The following AP2S1 variants were observed in gnomAD, a reference collection of about 807,000 sequenced individuals.
AP2S1 encodes adaptor related protein complex 2 subunit sigma 1.
A neutral mutation model predicts 21.0 loss-of-function variants in AP2S1; 6 were observed. The ratio of observed to expected loss-of-function variants is 0.29; its 90% CI spans 0.16 to 0.56. The LOEUF (loss-of-function observed/expected upper bound fraction) is 0.56, where lower values mean the gene tolerates loss of function less well. Among genes scored for constraint, AP2S1 ranks in the 20% least tolerant of loss-of-function variants. AP2S1 has a pLI of 0.92. For missense variants in AP2S1, 60 were observed against 186.2 expected (o/e 0.32, Z 3.95); for synonymous variants, 63 against 74.6 (o/e 0.84, Z 0.80).
intron 1 of AP2S1, among the ~76,000 whole-genome samples, chr19:46,849,641 C>A (rs1240724546): frequency 6.6e-6 from 1 of 152,170 alleles, no homozygotes; most frequent in African/African-American, 2.4e-5. Flanking sequence ...CAAGTCCCCT[C>A]CGTCCTGAAT....
chr19:46,840,606 C>T (rs867194045), intron 2 of AP2S1, among the ~76,000 whole-genome samples: 2 of 151,992 alleles, frequency 1.3e-5, no homozygotes, highest in African/African-American at 4.8e-5. Context: ...CATCACTGCA[C>T]TCCAGCCCGG....
intron 1 of AP2S1, 26 bp from the exon 2 acceptor site, chr19:46,846,168 G>C (rs1465380554): frequency 1.2e-6 from 2 of 1,613,296 alleles, no homozygotes; most frequent in South Asian, 1.1e-5. Flanking sequence ...GGAGAAGGAG[G>C]AAGTGAGAGA....
intron 1 of AP2S1, among the ~76,000 whole-genome samples, 177 bp from the exon 2 acceptor site, chr19:46,846,319 C>T (rs1253225251): frequency 1.3e-5 from 2 of 152,022 alleles, no homozygotes; most frequent in African/African-American, 2.4e-5. Context: ...CCTGGCCACA[C>T]GCTTCATCCC....
chr19:46,841,102 C>T (rs1461266656), intron 2 of AP2S1, among the ~76,000 whole-genome samples: 2 of 152,014 alleles, frequency 1.3e-5, no homozygotes, highest in African/African-American at 4.8e-5. Context: ...TACAGGTGTG[C>T]ACCACCACGC....
chr19:46,844,311 C>T (rs2055581151), intron 2 of AP2S1, among the ~76,000 whole-genome samples: 2 of 152,188 alleles, frequency 1.3e-5, no homozygotes, highest in Admixed American at 6.5e-5. Context: ...CTTTCATCTC[C>T]TCCCCTTCCT....
At chr19:46,849,208 G>C (rs1053168172) in intron 1 of AP2S1, among the ~76,000 whole-genome samples, 2 of 150,842 alleles carry the variant, frequency 1.3e-5, no homozygotes, top group Admixed American at 1.3e-4. Flanking sequence ...GTCTCACCAC[G>C]TTGGCCAGGC....
intron 2 of AP2S1, among the ~76,000 whole-genome samples, chr19:46,843,114 A>G (rs1351457354): frequency 2.0e-5 from 3 of 152,090 alleles, no homozygotes; most frequent in African/African-American, 7.2e-5. Context: ...TGACAGCTCC[A>G]TCCTACCCGG....
At chr19:46,840,750 C>T (rs887110795) in intron 2 of AP2S1, among the ~76,000 whole-genome samples, 2 of 124,458 alleles carry the variant, frequency 1.6e-5, no homozygotes, top group Non-Finnish European at 3.1e-5. Flanking sequence ...TTGAGTCTGG[C>T]TCTGACGCCC....
chr19:46,850,627 G>T (rs1257304835), intron 1 of AP2S1, 137 bp downstream of exon 1: 1 of 815,778 alleles, frequency 1.2e-6, no homozygotes, highest in Non-Finnish European at 2.0e-6. Context: ...GCCCTGGATC[G>T]GTCCCAATCC....
At chr19:46,844,677 G>A (rs1599769392) in intron 2 of AP2S1, among the ~76,000 whole-genome samples, 1 of 152,092 alleles carries the variant, frequency 6.6e-6, no homozygotes, top group Non-Finnish European at 1.5e-5. Flanking sequence ...GCACAAGCCT[G>A]TAGTCCCAGC....
Position 46,838,413 on chromosome 19 carries a change from G to A in AP2S1, c.*34C>T, listed in dbSNP as rs1347487865. 1 of 1,605,258 alleles carries A rather than the reference G, an allele frequency of 6.2e-7. No homozygotes were observed. Among genetic ancestry groups the A allele is most frequent in the South Asian group, 1.1e-5 (1 of 90,806 alleles). Reference sequence around the variant, plus strand: ...AGGGGAAGCGAGCAGGCGAGTCCAGGAGGGGCCGGGGCCGGGGTGGGGCTC... The same window carrying A: ...AGGGGAAGCGAGCAGGCGAGTCCAGAAGGGGCCGGGGCCGGGGTGGGGCTC... On this transcript the variant is annotated 3_prime_UTR_variant, in exon 5 of 5. Coordinates refer to ENST00000263270, the MANE Select transcript of AP2S1 (RefSeq NM_004069.6). This position sits in a 1 kb window ranked among gnomAD's most constrained non-coding sequence, Gnocchi z 4.1.
chr19:46,845,770 A>G (rs1199549294), intron 2 of AP2S1: 2 of 525,618 alleles, frequency 3.8e-6, no homozygotes, highest in Non-Finnish European at 6.6e-6. Context: ...CGAATCTCCA[A>G]TCTACTTTTC....
At chr19:46,850,100 GTTGCTCCC>G in intron 1 of AP2S1, 1 of 1,223,576 alleles carries the variant, frequency 8.2e-7, no homozygotes, top group Non-Finnish European at 1.0e-6. Flanking sequence ...GACCTATTCA[GTTGCTCCC>G]CATTCTTTCC....
chr19:46,843,438 T>C (rs1360534455), intron 2 of AP2S1, among the ~76,000 whole-genome samples: 1 of 152,116 alleles, frequency 6.6e-6, no homozygotes, highest in Non-Finnish European at 1.5e-5. Context: ...AATTTAAAAA[T>C]TAGCCAGGCG....
chr19:46,845,319 T>C (rs539914488), intron 2 of AP2S1, among the ~76,000 whole-genome samples: 4 of 150,820 alleles, frequency 2.7e-5, no homozygotes, highest in South Asian at 2.1e-4. Context: ...GGCAGGAGAA[T>C]TGCTTGAACC....
intron 3 of AP2S1, among the ~76,000 whole-genome samples, chr19:46,839,251 C>T (rs1425967144): frequency 1.6e-5 from 2 of 128,308 alleles, no homozygotes; most frequent in Non-Finnish European, 3.1e-5. Context: ...TGCACCACTG[C>T]ACTCCAGCCT....
Position 46,838,498 on chromosome 19 carries a change from G to A in AP2S1, c.378C>T (p.Thr126=), listed in dbSNP as rs764760698. The part of the protein sequence containing the change: ...EMFLAGEIRE[T]SQTKVLKQLL... The stretch of plus-strand genomic sequence containing the variant: ...GCTGTTTCAGCACCTTCGTCTGGCT[G>A]GTCTCTCGGATTTCGCCAGCCAGGA... Residue 126 remains threonine, a synonymous_variant, in exon 5 of 5, where the codon ACC becomes ACT. Transcript: ENST00000263270. This position sits in a 1 kb window ranked among gnomAD's most constrained non-coding sequence, Gnocchi z 4.1. 6.2e-7 allele frequency: 1 copy of A among 1,614,164 alleles called. No individual in the cohort carries two copies. The highest frequency in any genetic ancestry group is 1.1e-5 in the South Asian group (1 of 91,084).
intron 3 of AP2S1, 26 bp downstream of exon 3, chr19:46,839,439 C>CCCCCCA: frequency 1.3e-6 from 2 of 1,569,692 alleles, no homozygotes; most frequent in East Asian, 2.3e-5. Context: ...CCCGCCTCCC[C>CCCCCCA]ACCTTACATC....
rs201984742 is a variant in AP2S1, at chr19:46,846,131, G to A, written c.15C>T (p.Ile5=). The change falls in exon 2 of 5, where the codon ATC becomes ATT. Residue 5 remains isoleucine, a synonymous_variant. Transcript: ENST00000263270. MIRF[I]LIQNRAGKTR... ...TCTTGCCTGCCCGGTTCTGGATGAG[G>A]ATAAAGCGGATCTGGGGGCAGCAGG... The A allele has an allele frequency of 2.5e-5, 40 of 1,613,998 alleles. No homozygotes were observed. Among genetic ancestry groups the A allele is most frequent in the East Asian group, 4.5e-5 (2 of 44,884 alleles).
Sources: gnomAD v4.1 joint callset for allele counts (sites outside exome capture counted in the v4.1 genomes callset) on GRCh38, gnomAD v4.1.1 for gene constraint, Gnocchi (gnomAD v3.1) non-coding constraint, MANE v1.5 for transcripts, NCBI Gene and HGNC (gene_info 2026-07-23, HGNC 2026-07-21) for gene names.